The following KHDRBS2 variants were observed in gnomAD, a reference collection of about 807,000 sequenced individuals.
The protein encoded by KHDRBS2 is KH RNA binding domain containing, signal transduction associated 2, also known as KH domain-containing, RNA-binding, signal transduction-associated protein 2.
A neutral mutation model predicts 44.3 loss-of-function variants in KHDRBS2; 26 were observed. The observed-to-expected ratio is 0.59, with a 90% CI of 0.43 to 0.81. The LOEUF (loss-of-function observed/expected upper bound fraction) is 0.81. Ranked by LOEUF, KHDRBS2 falls within the 40% of genes least tolerant of loss-of-function variation. The pLI, the probability that KHDRBS2 is intolerant of heterozygous loss-of-function variation, is 0.00. For synonymous variants in KHDRBS2, 194 were observed against 151.1 expected, an observed-to-expected ratio of 1.28 and a Z score of -2.08; for missense variants, 476 against 433.1, an observed-to-expected ratio of 1.10 and a Z score of -0.88.
At chr6:61,861,577 CTT>C (rs112714512) in intron 6 of KHDRBS2, among the ~76,000 whole-genome samples, 10,130 of 150,910 alleles carry the variant, frequency 0.067, 395 homozygotes, top group Middle Eastern at 0.13. Flanking sequence ...GTCTATGTGT[CTT>C]TTTTTTGTAC....
intron 6 of KHDRBS2, among the ~76,000 whole-genome samples, chr6:61,745,270 T>A (rs1032133164): frequency 2.0e-5 from 3 of 152,180 alleles, no homozygotes; most frequent in Admixed American, 6.6e-5. Context: ...TAAGAAAGGA[T>A]GTTAACTTTG....
At chr6:62,193,367 G>T (rs1393315466) in intron 1 of KHDRBS2, among the ~76,000 whole-genome samples, 2 of 151,986 alleles carry the variant, frequency 1.3e-5, no homozygotes, top group Non-Finnish European at 2.9e-5. Context: ...AATTTTTGAA[G>T]TCAGACTAAT....
At chr6:61,857,590 T>TAAAAAATAA (rs4038087) in intron 6 of KHDRBS2, among the ~76,000 whole-genome samples, 86,578 of 151,178 alleles carry the variant, frequency 0.57, 24,918 homozygotes, top group South Asian at 0.68. Flanking sequence ...ACTTCATATT[T>TAAAAAATAA]ATTTTTCATA....
At chr6:61,783,842 G>A (rs1048285297) in intron 6 of KHDRBS2, among the ~76,000 whole-genome samples, 6 of 151,980 alleles carry the variant, frequency 3.9e-5, no homozygotes, top group Non-Finnish European at 5.9e-5. Context: ...GTAAACTACT[G>A]ACTGTTGTAT....
chr6:61,848,487 A>T (rs866610711), intron 6 of KHDRBS2, among the ~76,000 whole-genome samples: 3 of 42,954 alleles, frequency 7.0e-5, no homozygotes, highest in African/African-American at 4.1e-4. Flanking sequence ...ATATATATAT[A>T]TATGTATATA....
intron 4 of KHDRBS2, among the ~76,000 whole-genome samples, chr6:61,935,391 G>A (rs1810842207): frequency 6.6e-6 from 1 of 152,144 alleles, no homozygotes; most frequent in Non-Finnish European, 1.5e-5. Flanking sequence ...GGGATATCCA[G>A]CTAGCAAAGG....
chr6:61,569,467 G>A, the KHDRBS2 span, among the ~76,000 whole-genome samples: 8 of 152,160 alleles, frequency 5.3e-5, no homozygotes, highest in Non-Finnish European at 1.0e-4. Flanking sequence ...CCTCCTGGCT[G>A]GAGGCCAGTC....
At chr6:62,078,933 G>A (rs1473301047) in intron 2 of KHDRBS2, among the ~76,000 whole-genome samples, 20 of 152,066 alleles carry the variant, frequency 1.3e-4, no homozygotes, top group Non-Finnish European at 2.6e-4. Flanking sequence ...ATATTTTTAA[G>A]CTATTTCTAC....
intron 3 of KHDRBS2, among the ~76,000 whole-genome samples, chr6:62,043,063 C>T (rs1292034185): frequency 1.3e-5 from 2 of 152,186 alleles, no homozygotes; most frequent in Non-Finnish European, 2.9e-5. Context: ...CTTTCAAGAT[C>T]TCCTATTTTC....
the KHDRBS2 span, among the ~76,000 whole-genome samples, chr6:61,550,558 G>T: frequency 2.4e-3 from 369 of 152,134 alleles, no homozygotes; most frequent in Admixed American, 5.3e-3. Context: ...GGGGATGGTG[G>T]CTTACATACT....
chr6:62,047,771 A>T, intron 3 of KHDRBS2, 107 bp downstream of exon 3: 1 of 719,508 alleles, frequency 1.4e-6, no homozygotes, highest in Non-Finnish European at 2.5e-6. Context: ...GGAAATGGAA[A>T]TCATAGGAAA....
intron 2 of KHDRBS2, among the ~76,000 whole-genome samples, chr6:62,157,353 G>A (rs1410280654): frequency 2.0e-5 from 3 of 152,098 alleles, no homozygotes; most frequent in South Asian, 4.2e-4. Flanking sequence ...TAAGCCCAAT[G>A]TGCGTATAAT....
downstream of KHDRBS2, among the ~76,000 whole-genome samples, chr6:61,677,606 C>T (rs933773745): frequency 1.3e-5 from 2 of 151,898 alleles, no homozygotes; most frequent in African/African-American, 4.8e-5. Context: ...AGGAACAGCA[C>T]TCATTCTTTA....
At chr6:61,730,500 G>A (rs1025047360) in intron 7 of KHDRBS2, among the ~76,000 whole-genome samples, 17 of 152,192 alleles carry the variant, frequency 1.1e-4, no homozygotes, top group African/African-American at 3.6e-4. Context: ...AACAAATAAC[G>A]AAAATGATAG....
At chr6:61,782,666 T>C (rs1783121473) in intron 6 of KHDRBS2, among the ~76,000 whole-genome samples, 1 of 145,604 alleles carries the variant, frequency 6.9e-6, no homozygotes, top group Non-Finnish European at 1.5e-5. Flanking sequence ...TATGCATTTT[T>C]TATACCTGTG....
chr6:62,213,461 A>G (rs1829436758), intron 1 of KHDRBS2, among the ~76,000 whole-genome samples: 1 of 152,194 alleles, frequency 6.6e-6, no homozygotes, highest in Admixed American at 6.5e-5. Flanking sequence ...AAATCAAACG[A>G]AAATCGGAAA....
chr6:62,192,135 C>A (rs1205927499), intron 1 of KHDRBS2, among the ~76,000 whole-genome samples: 1 of 151,708 alleles, frequency 6.6e-6, no homozygotes, highest in Non-Finnish European at 1.5e-5. Context: ...TTATTTTATT[C>A]AATATATCTG....
intron 6 of KHDRBS2, among the ~76,000 whole-genome samples, chr6:61,761,342 A>G (rs1779244593): frequency 6.6e-6 from 1 of 152,226 alleles, no homozygotes; most frequent in Non-Finnish European, 1.5e-5. Flanking sequence ...CATGTCTGCT[A>G]AGGTATTCCT....
chr6:61,832,633 TCATG>T (rs1317031424), intron 6 of KHDRBS2, among the ~76,000 whole-genome samples: 1 of 151,886 alleles, frequency 6.6e-6, no homozygotes, highest in Non-Finnish European at 1.5e-5. Flanking sequence ...CTGAGAAGTG[TCATG>T]TTAGGCAACT....
Sources: allele counts gnomAD v4.1 joint callset (sites outside exome capture counted in the v4.1 genomes callset), GRCh38; gene constraint gnomAD v4.1.1; transcripts MANE v1.5; gene names NCBI Gene and HGNC (gene_info 2026-07-23, HGNC 2026-07-21).